The following SMAD3 variants were observed in gnomAD, a reference collection of about 807,000 sequenced individuals.
The protein encoded by SMAD3 is MAD homolog 3.
Under a neutral mutation model 51.8 loss-of-function variants are expected in SMAD3, and 12 were observed. The observed-to-expected ratio is 0.23, with a 90% CI of 0.15 to 0.38. The LOEUF (loss-of-function observed/expected upper bound fraction) is 0.38. Ranked by LOEUF, SMAD3 falls within the 10% of genes least tolerant of loss-of-function variation. The pLI, the probability that SMAD3 is intolerant of heterozygous loss-of-function variation, is 1.00. For synonymous variants in SMAD3, 238 were observed against 227.7 expected, an observed-to-expected ratio of 1.05 and a Z score of -0.41; for missense variants, 294 against 565.6, an observed-to-expected ratio of 0.52 and a Z score of 4.87.
intron 1 of SMAD3, among the ~76,000 whole-genome samples, chr15:67,152,471 C>A (rs983563692): frequency 6.6e-6 from 1 of 152,186 alleles, no homozygotes; most frequent in Non-Finnish European, 1.5e-5. Context: ...TTGTGACTTA[C>A]TCCATTTCAA....
Position 67,190,860 on chromosome 15 carries a change from C to T in SMAD3, c.*324C>T, listed in dbSNP as rs746763813. ...CCCCCCAGACTCTTTTTTTGAGTGA[C>T]AGCTTTCTGGGATGTCACAGTCCAA... is the stretch of plus-strand genomic sequence containing the variant. On this transcript the variant is annotated 3_prime_UTR_variant, in exon 9 of 9. Transcript: ENST00000327367. The T allele has an allele frequency of 3.2e-5, 14 of 431,728 alleles. No homozygotes were observed. Among genetic ancestry groups the T allele is most frequent in the Non-Finnish European group, 6.0e-5 (14 of 233,060 alleles). 26.7% of individuals were successfully genotyped at this position (431,728 alleles called of 1,614,324 possible).
chr15:67,143,579 C>T (rs547883482), intron 1 of SMAD3, among the ~76,000 whole-genome samples: 11 of 152,254 alleles, frequency 7.2e-5, no homozygotes, highest in African/African-American at 2.6e-4. Flanking sequence ...GGACTACAGG[C>T]ATACACCACT....
chr15:67,074,761 C>G (rs1050684466), intron 1 of SMAD3, among the ~76,000 whole-genome samples: 1 of 152,204 alleles, frequency 6.6e-6, no homozygotes, highest in Non-Finnish European at 1.5e-5. Flanking sequence ...GTGATCTCAG[C>G]TCACTGCAAC....
intron 1 of SMAD3, among the ~76,000 whole-genome samples, chr15:67,154,809 CT>C (rs1379340215): frequency 1.3e-5 from 2 of 152,000 alleles, no homozygotes; most frequent in African/African-American, 4.8e-5. Context: ...TGCTCAGTCC[CT>C]TTTTTTAAAA....
intron 7 of SMAD3, chr15:67,187,111 C>G (rs1429640042): frequency 1.5e-6 from 1 of 650,714 alleles, no homozygotes; most frequent in Non-Finnish European, 2.8e-6. Flanking sequence ...TGTGGGCCAG[C>G]CTTCCATCTC....
intron 1 of SMAD3, among the ~76,000 whole-genome samples, chr15:67,140,005 C>T (rs1267841973): frequency 2.0e-5 from 3 of 152,064 alleles, no homozygotes; most frequent in African/African-American, 4.8e-5. Flanking sequence ...GCCTGTAATC[C>T]TAGCTACTTG....
At chr15:67,164,316 GAAAA>G (rs59880604) in intron 1 of SMAD3, among the ~76,000 whole-genome samples, 13 of 83,670 alleles carry the variant, frequency 1.6e-4, no homozygotes, top group African/African-American at 3.2e-4. Context: ...CTCCGTCTCA[GAAAA>G]AAAAAAAAAA....
Position 67,165,241 on chromosome 15 carries a change from T to TC in SMAD3, c.401-7dup. The TC allele has an allele frequency of 6.2e-7, 1 of 1,613,968 alleles. No homozygotes were observed. The highest frequency in any genetic ancestry group is 8.5e-7 in the Non-Finnish European group (1 of 1,179,988). On this transcript the variant is annotated splice_polypyrimidine_tract_variant and intron_variant, in intron 2 of 8. Coordinates refer to ENST00000327367, the MANE Select transcript of SMAD3 (RefSeq NM_005902.4). ...GACACTGAGCCACCTCTGCTCTGTC[T>TC]CCCCCGGACAGTTCTACCTCCTGTG...
chr15:67,101,893 G>A (rs1450173594), intron 1 of SMAD3, among the ~76,000 whole-genome samples: 8 of 152,224 alleles, frequency 5.3e-5, no homozygotes, highest in Admixed American at 5.2e-4. Context: ...GAAACCCAAG[G>A]ATGGGTGCCA....
intron 1 of SMAD3, among the ~76,000 whole-genome samples, chr15:67,074,629 C>CTTTTCT (rs1960127916): frequency 6.6e-6 from 1 of 152,212 alleles, no homozygotes; most frequent in East Asian, 1.9e-4. Context: ...GAGTGCTTTG[C>CTTTTCT]CGGTAGTTTA....
At chr15:67,175,958 T>G (rs544692713) in intron 5 of SMAD3, among the ~76,000 whole-genome samples, 1 of 152,344 alleles carries the variant, frequency 6.6e-6, no homozygotes, top group South Asian at 2.1e-4. Context: ...GGCAACATAA[T>G]GACAGGAAGT....
Position 67,191,245 on chromosome 15 carries a change from T to C in SMAD3, c.*709T>C, listed in dbSNP as rs986623400. On this transcript the variant is annotated 3_prime_UTR_variant, in exon 9 of 9. Transcript: ENST00000327367. Reference sequence around the variant, plus strand: ...TAAAAACTCACTTACGTTTGTCCTTTTTCACTTTGAAAAGTTGGAAGGATC... The same window carrying C: ...TAAAAACTCACTTACGTTTGTCCTTCTTCACTTTGAAAAGTTGGAAGGATC... 4.3e-6 allele frequency: 1 copy of C among 233,534 alleles called. No individual in the cohort carries two copies. The highest frequency in any genetic ancestry group is 8.5e-6 in the Non-Finnish European group (1 of 118,252). 14.5% of individuals were successfully genotyped at this position (233,534 alleles called of 1,614,324 possible).
intron 1 of SMAD3, among the ~76,000 whole-genome samples, chr15:67,158,506 C>T (rs1165311266): frequency 6.6e-6 from 1 of 152,258 alleles, no homozygotes; most frequent in Admixed American, 6.5e-5. Context: ...GCCAGACTGG[C>T]GGTCGTGTGC....
intron 1 of SMAD3, among the ~76,000 whole-genome samples, chr15:67,073,450 T>C (rs1193063219): frequency 6.6e-6 from 1 of 152,186 alleles, no homozygotes. Context: ...CCATAAATGC[T>C]GTCAAAGAAA....
intron 4 of SMAD3, 134 bp from the exon 5 acceptor site, chr15:67,170,420 T>G: frequency 1.3e-6 from 1 of 762,152 alleles, no homozygotes. Context: ...CTAGGCCTTC[T>G]CCTGGGACCC....
At chr15:67,109,128 T>C (rs2118611) in intron 1 of SMAD3, among the ~76,000 whole-genome samples, 36,123 of 152,184 alleles carry the variant, frequency 0.24, 4,845 homozygotes, top group East Asian at 0.53. Flanking sequence ...TGTCGAAGAA[T>C]GCATGGGATG....
intron 1 of SMAD3, among the ~76,000 whole-genome samples, chr15:67,161,434 C>T (rs1248169919): frequency 2.0e-5 from 3 of 152,224 alleles, no homozygotes; most frequent in East Asian, 1.9e-4. Flanking sequence ...AGCTTACCTC[C>T]ACAGCCCCAT....
chr15:67,077,479 T>C (rs1960195793), intron 1 of SMAD3, among the ~76,000 whole-genome samples: 1 of 152,200 alleles, frequency 6.6e-6, no homozygotes, highest in Non-Finnish European at 1.5e-5. Context: ...TGAATGTGCC[T>C]TTGTTTGCTG....
intron 1 of SMAD3, among the ~76,000 whole-genome samples, chr15:67,095,987 A>G (rs1191178862): frequency 6.6e-6 from 1 of 152,106 alleles, no homozygotes; most frequent in Non-Finnish European, 1.5e-5. Context: ...AATGTGGGGG[A>G]GTTGAGTGAG....
Sources: allele counts gnomAD v4.1 joint callset (sites outside exome capture counted in the v4.1 genomes callset), GRCh38; gene constraint gnomAD v4.1.1; transcripts MANE v1.5; gene names NCBI Gene and HGNC (gene_info 2026-07-23, HGNC 2026-07-21).